Variants in ODAD3 observed in about 807,000 individuals in gnomAD.
The protein encoded by ODAD3 is outer dynein arm-docking complex subunit 3.
Under a neutral mutation model 70.9 loss-of-function variants are expected in ODAD3, and 57 were observed. That is an observed-to-expected ratio of 0.80 (90% CI 0.65 to 1.00). The LOEUF (loss-of-function observed/expected upper bound fraction) is 1.00, where lower values mean the gene tolerates loss of function less well. Among genes scored for constraint, ODAD3 ranks in the 50% least tolerant of loss-of-function variants. ODAD3 has a pLI of 0.00. For synonymous variants in ODAD3, 327 were observed against 315.9 expected (o/e 1.04, Z -0.37); for missense variants, 797 against 763.9 (o/e 1.04, Z -0.51).
chr19:11,424,956 C>G (rs1361184078), intron 7 of ODAD3, among the ~76,000 whole-genome samples: 1 of 105,838 alleles, frequency 9.4e-6, no homozygotes, highest in African/African-American at 4.3e-5. Context: ...TGTATATGTA[C>G]ATATGTGTAT....
intron 12 of ODAD3, 30 bp downstream of exon 12, chr19:11,421,098 G>A (rs755983766): frequency 1.6e-5 from 25 of 1,606,224 alleles, no homozygotes; most frequent in African/African-American, 4.1e-5. Flanking sequence ...GGCCCCAACC[G>A]CACCCCTTCA....
intron 7 of ODAD3, among the ~76,000 whole-genome samples, chr19:11,425,142 TGTAC>T (rs1309883964): frequency 8.2e-5 from 11 of 134,820 alleles, no homozygotes; most frequent in African/African-American, 3.2e-4. Context: ...TATGTGTATA[TGTAC>T]ATATGTATAT....
chr19:11,425,268 T>C (rs1393692355), intron 7 of ODAD3, among the ~76,000 whole-genome samples: 3 of 136,042 alleles, frequency 2.2e-5, no homozygotes, highest in African/African-American at 3.3e-5. Flanking sequence ...TACATATGTG[T>C]ATATGTGTGT....
intron 1 of ODAD3, chr19:11,434,430 C>T (rs1169396910): frequency 5.9e-6 from 1 of 170,688 alleles, no homozygotes; most frequent in East Asian, 1.6e-4. Flanking sequence ...CCCAGCTACT[C>T]AAGAGGCTGA....
chr19:11,435,565 C>T, upstream of ODAD3: 1 of 730,300 alleles, frequency 1.4e-6, no homozygotes, highest in Non-Finnish European at 2.0e-6. Context: ...CCCAACATGG[C>T]GACCCTGAGT....
chr19:11,421,023 AC>A, intron 12 of ODAD3, 76 bp from the exon 13 acceptor site: 1 of 1,562,556 alleles, frequency 6.4e-7, no homozygotes, highest in Non-Finnish European at 8.8e-7. Flanking sequence ...TCCCTTTACC[AC>A]CCCACTCCAC....
At chr19:11,425,093 G>C (rs1969268329) in intron 7 of ODAD3, among the ~76,000 whole-genome samples, 1 of 134,268 alleles carries the variant, frequency 7.4e-6, no homozygotes, top group East Asian at 2.2e-4. Context: ...ATGTACATAT[G>C]TGTATATATG....
intron 7 of ODAD3, 25 bp downstream of exon 7, chr19:11,426,119 G>A (rs1568350982): frequency 6.3e-7 from 1 of 1,597,622 alleles, no homozygotes; most frequent in South Asian, 1.1e-5. Context: ...TGGAGTCACA[G>A]GCGCGCACCC....
At chr19:11,431,898 G>A (rs925355666) in intron 1 of ODAD3, among the ~76,000 whole-genome samples, 7 of 143,288 alleles carry the variant, frequency 4.9e-5, no homozygotes, top group African/African-American at 1.3e-4. Flanking sequence ...AGCCGAGATC[G>A]CACCACTGCA....
At chr19:11,426,118 A>G in intron 7 of ODAD3, 26 bp downstream of exon 7, 1 of 1,596,744 alleles carries the variant, frequency 6.3e-7, no homozygotes, top group South Asian at 1.1e-5. Context: ...CTGGAGTCAC[A>G]GGCGCGCACC....
intron 11 of ODAD3, 22 bp from the exon 12 acceptor site, chr19:11,421,234 G>C: frequency 6.2e-7 from 1 of 1,606,566 alleles, no homozygotes; most frequent in East Asian, 2.2e-5. Flanking sequence ...TGGGAAGCGA[G>C]AGAGGAAGGT....
In ODAD3 at chr19:11,434,778, A is replaced by C. The variant is rs1969618075; in HGVS notation, c.239T>G (p.Leu80Arg). 1 of 1,611,222 alleles carries C rather than the reference A, an allele frequency of 6.2e-7. No homozygotes were observed. The highest frequency in any genetic ancestry group is 8.5e-7 in the Non-Finnish European group (1 of 1,177,788). ...ACCCTCTGGAGCCATCTTACCTAAC[A>C]GTTGTATCTTTTTATGTAACTCAGC... ...QVAELHKKIQLLEGDRKAFFE... is the reference protein window; with the variant it reads ...QVAELHKKIQRLEGDRKAFFE... Residue 80 changes from leucine to arginine, a missense_variant, in exon 1 of 13, where the codon CTG (leucine) becomes CGG (arginine). Physicochemically the swap from Leu to Arg is moderately radical, Grantham distance 102. Coordinates refer to ENST00000356392, the MANE Select transcript of ODAD3 (RefSeq NM_145045.5).
chr19:11,425,231 A>ATGTGTGTATG lies in ODAD3; in HGVS notation c.963+912_963+913insCATACACACA, dbSNP rs1969291047. Among the ~76,000 whole-genome samples the ATGTGTGTATG allele has an allele frequency of 1.5e-5, 2 of 135,688 alleles. 1 individual carries two copies. Among genetic ancestry groups the ATGTGTGTATG allele is most frequent in the East Asian group, 4.5e-4 (2 of 4,476 alleles). 89.0% of individuals were successfully genotyped at this position (135,688 alleles called of 152,430 possible). On this transcript the variant is annotated intron_variant, in intron 7 of 12. Transcript: ENST00000356392. ...TACATATGTGTATATATGTGTGTAT[A>ATGTGTGTATG]TGTACATATGTGTATATATGTATAT...
At chr19:11,421,090 C>T (rs993328019) in intron 12 of ODAD3, 38 bp downstream of exon 12, 4 of 1,607,372 alleles carry the variant, frequency 2.5e-6, no homozygotes, top group Middle Eastern at 1.7e-4. Flanking sequence ...CAGCTTGGGG[C>T]CCCAACCGCA....
rs1340885760 is a variant in ODAD3 at position 11,421,777 on chromosome 19, G to A, written c.1490C>T (p.Pro497Leu). ...ELDPQADNYVPNLLGLVEEKL... is the reference protein window; with the variant it reads ...ELDPQADNYVLNLLGLVEEKL... ...TTCCTCCACGAGGCCCAGCAGGTTT[G>A]GCACATAGTTATCTGCCTGGGGATC... is the stretch of plus-strand genomic sequence containing the variant. Residue 497 changes from proline to leucine, a missense_variant, in exon 11 of 13, where the codon CCA (proline) becomes CTA (leucine). Coordinates refer to ENST00000356392, the MANE Select transcript of ODAD3 (RefSeq NM_145045.5). 2 of 1,613,406 alleles carry A rather than the reference G, an allele frequency of 1.2e-6. No homozygotes were observed. The highest frequency in any genetic ancestry group is 1.7e-6 in the Non-Finnish European group (2 of 1,179,994).
At chr19:11,431,218 T>C in intron 1 of ODAD3, 198 bp from the exon 2 acceptor site, 2 of 599,900 alleles carry the variant, frequency 3.3e-6, no homozygotes, top group Non-Finnish European at 5.7e-6. Flanking sequence ...TTCAAGAGAT[T>C]CTCCTGCTTC....
intron 11 of ODAD3, 54 bp downstream of exon 11, chr19:11,421,623 C>T (rs1355633543): frequency 1.3e-6 from 2 of 1,550,522 alleles, no homozygotes; most frequent in Admixed American, 2.0e-5. Context: ...CCTGGTTTTC[C>T]GACCCAGCCC....
chr19:11,429,937 A>G (rs1969469238), intron 3 of ODAD3, among the ~76,000 whole-genome samples: 2 of 149,060 alleles, frequency 1.3e-5, no homozygotes, highest in Non-Finnish European at 3.0e-5. Context: ...TTCTAGGCTC[A>G]TGCAATCCTC....
At chr19:11,434,627 G>A in intron 1 of ODAD3, 146 bp downstream of exon 1, 1 of 989,498 alleles carries the variant, frequency 1.0e-6, no homozygotes, top group Non-Finnish European at 1.5e-6. Flanking sequence ...TTAAGAGACA[G>A]AGAAGGAAAA....
Sources: allele counts gnomAD v4.1 joint callset (sites outside exome capture counted in the v4.1 genomes callset), GRCh38; gene constraint gnomAD v4.1.1; transcripts MANE v1.5; gene names NCBI Gene and HGNC (gene_info 2026-07-23, HGNC 2026-07-21).